LUZP2: variants seen among roughly 807,000 people sequenced by gnomAD.
LUZP2 encodes the protein leucine zipper protein 2.
A neutral mutation model predicts 51.6 loss-of-function variants in LUZP2; 52 were observed. The ratio of observed to expected loss-of-function variants is 1.01; its 90% CI spans 0.81 to 1.27. The LOEUF (loss-of-function observed/expected upper bound fraction) is 1.27, where lower values mean the gene tolerates loss of function less well. LUZP2 is among the 50% of genes most tolerant of loss of function. The probability of loss-of-function intolerance (pLI) is 0.00; values close to 1 mark genes in which losing one functional copy is unlikely to be tolerated. For missense variants in LUZP2, 436 were observed against 395.4 expected, an observed-to-expected ratio of 1.10 and a Z score of -0.87; for synonymous variants, 154 against 137.3, an observed-to-expected ratio of 1.12 and a Z score of -0.85.
At chr11:24,927,537 T>A (rs2133828469) in intron 7 of LUZP2, among the ~76,000 whole-genome samples, 1 of 152,270 alleles carries the variant, frequency 6.6e-6, no homozygotes, top group East Asian at 1.9e-4. Flanking sequence ...TTGTCAAAGA[T>A]CAGTTGACTG....
chr11:24,967,355 T>C (rs1272419189), intron 7 of LUZP2, among the ~76,000 whole-genome samples: 3 of 109,944 alleles, frequency 2.7e-5, no homozygotes, highest in African/African-American at 1.1e-4. Context: ...ACATTGTATA[T>C]CTTTCTGTTT....
chr11:24,826,190 A>AAAAAAATATATATATATATAT (rs1215786412), intron 5 of LUZP2, among the ~76,000 whole-genome samples: 2 of 67,534 alleles, frequency 3.0e-5, no homozygotes, highest in African/African-American at 1.2e-4. Context: ...AAAAAAAAAA[A>AAAAAAATATATATATATATAT]ATATATATAT....
At chr11:24,851,645 A>G (rs1851398021) in intron 5 of LUZP2, among the ~76,000 whole-genome samples, 1 of 152,118 alleles carries the variant, frequency 6.6e-6, no homozygotes, top group African/African-American at 2.4e-5. Flanking sequence ...TGATTTAGGG[A>G]GTAGTCCTTC....
At chr11:25,060,681 A>G (rs1467532125) in intron 10 of LUZP2, among the ~76,000 whole-genome samples, 2 of 152,202 alleles carry the variant, frequency 1.3e-5, no homozygotes, top group Admixed American at 1.3e-4. Flanking sequence ...ATAGGCAAAT[A>G]CTGTTCTGTG....
rs552155484 is a variant in LUZP2, at chr11:24,944,949, A to G, written c.522+30411A>G. Among the ~76,000 whole-genome samples the G allele has an allele frequency of 4.6e-5, 7 of 152,330 alleles. 1 individual carries two copies. The South Asian group carries it at 1.4e-3, about 32-fold the overall frequency. ...TAGATTTATCTTCAATGCACATTAT[A>G]TGCTCATACGTACATTTATGCATAG... On this transcript the variant is annotated intron_variant, in intron 7 of 11. Coordinates refer to ENST00000336930, the MANE Select transcript of LUZP2 (RefSeq NM_001009909.4).
intron 10 of LUZP2, among the ~76,000 whole-genome samples, chr11:25,065,222 A>G (rs1446161): frequency 0.9 from 136,635 of 151,968 alleles, 62,415 homozygotes; most frequent in Non-Finnish European, 0.98. Context: ...CCATGTACCT[A>G]GGTCCCACAA....
intron 1 of LUZP2, among the ~76,000 whole-genome samples, chr11:24,632,295 T>C (rs1273785518): frequency 6.6e-6 from 1 of 152,016 alleles, no homozygotes; most frequent in East Asian, 1.9e-4. Context: ...CGGCATTTGA[T>C]AGCATTGTGA....
At chr11:24,869,847 T>A (rs10834515) in intron 5 of LUZP2, among the ~76,000 whole-genome samples, 1 of 151,974 alleles carries the variant, frequency 6.6e-6, no homozygotes, top group Non-Finnish European at 1.5e-5. Context: ...GTCGCAAGTC[T>A]CTTACTTTAA....
intron 5 of LUZP2, among the ~76,000 whole-genome samples, chr11:24,791,170 G>A (rs1028778516): frequency 3.3e-5 from 5 of 151,934 alleles, no homozygotes; most frequent in East Asian, 1.9e-4. Flanking sequence ...CATACCCCAC[G>A]TTTGAAATTC....
intron 4 of LUZP2, among the ~76,000 whole-genome samples, chr11:24,755,700 A>G (rs1480828658): frequency 6.6e-6 from 1 of 152,120 alleles, no homozygotes; most frequent in Non-Finnish European, 1.5e-5. Context: ...TTTTAGACAC[A>G]ACTGACTAAC....
intron 1 of LUZP2, among the ~76,000 whole-genome samples, chr11:24,598,898 A>G (rs1252996674): frequency 6.6e-6 from 1 of 152,164 alleles, no homozygotes; most frequent in East Asian, 1.9e-4. Context: ...GACAAATGAG[A>G]GGTTGGTGTA....
At chr11:25,009,833 C>G (rs1039201307) in intron 9 of LUZP2, among the ~76,000 whole-genome samples, 15 of 152,118 alleles carry the variant, frequency 9.9e-5, no homozygotes, top group Non-Finnish European at 2.2e-4. Context: ...ATAAATTGGC[C>G]TATTAACTCA....
At chr11:25,025,382 T>C (rs1286617634) in intron 9 of LUZP2, among the ~76,000 whole-genome samples, 1 of 152,120 alleles carries the variant, frequency 6.6e-6, no homozygotes, top group Admixed American at 6.6e-5. Flanking sequence ...GAGAAAATTC[T>C]TACAATCTAC....
intron 1 of LUZP2, among the ~76,000 whole-genome samples, chr11:24,710,878 G>A (rs2133929897): frequency 7.7e-6 from 1 of 129,902 alleles, no homozygotes; most frequent in Admixed American, 9.2e-5. Context: ...CTGGCGAGAA[G>A]AAATAAGAGA....
chr11:24,754,468 G>A (rs950768952), intron 4 of LUZP2, among the ~76,000 whole-genome samples: 15 of 152,150 alleles, frequency 9.9e-5, no homozygotes, highest in African/African-American at 3.6e-4. Context: ...AATTTGATAA[G>A]GCTTCTCTGA....
At chr11:24,734,642 GT>G (rs1565106241) in intron 3 of LUZP2, among the ~76,000 whole-genome samples, 1 of 151,708 alleles carries the variant, frequency 6.6e-6, no homozygotes, top group African/African-American at 2.4e-5. Flanking sequence ...TGATGCATTC[GT>G]TTTTTGCTGT....
At chr11:24,646,597 C>T (rs1164092291) in intron 1 of LUZP2, 1 of 984,938 alleles carries the variant, frequency 1.0e-6, no homozygotes, top group Admixed American at 6.2e-5. Context: ...GGAAGAAAGA[C>T]TGGTTGAGTT....
chr11:24,795,100 C>T (rs1849512619), intron 5 of LUZP2, among the ~76,000 whole-genome samples: 1 of 152,068 alleles, frequency 6.6e-6, no homozygotes, highest in South Asian at 2.1e-4. Context: ...GATAAGATGG[C>T]TCATAATTAT....
At position 24,523,747 on chromosome 11, in the gene LUZP2, C is replaced by T. The variant is rs151324662; in HGVS notation, c.62+26442C>T. On this transcript the variant is annotated intron_variant, in intron 1 of 11. Coordinates refer to ENST00000336930, the MANE Select transcript of LUZP2 (RefSeq NM_001009909.4). ...ATAGGTAAAGACTCAATGATCTTGG[C>T]TTTTATTACAAGCCCGCATCATTAT... 4.3e-3 allele frequency among the ~76,000 whole-genome samples: 652 copies of T among 151,538 alleles called. 6 individuals carry two copies. Among genetic ancestry groups the T allele is most frequent in the African/African-American group, 0.015 (610 of 41,428 alleles).
Sources: gnomAD v4.1 joint callset for allele counts (sites outside exome capture counted in the v4.1 genomes callset) on GRCh38, gnomAD v4.1.1 for gene constraint, MANE v1.5 for transcripts, NCBI Gene and HGNC (gene_info 2026-07-23, HGNC 2026-07-21) for gene names.